Variants in CNTNAP2 observed in about 807,000 individuals in gnomAD.
CNTNAP2 encodes contactin-associated protein-like 2.
In CNTNAP2, 98 loss-of-function variants were observed where a neutral mutation model predicts 155.2. That is an observed-to-expected ratio of 0.63 (90% confidence interval 0.54 to 0.75). The LOEUF is 0.75. Among genes scored for constraint, CNTNAP2 ranks in the 30% least tolerant of loss-of-function variants. CNTNAP2 has a pLI of 0.00. For synonymous variants in CNTNAP2, 651 were observed against 631.2 expected, an observed-to-expected ratio of 1.03 and a Z score of -0.47; for missense variants, 1,727 against 1,688.1, an observed-to-expected ratio of 1.02 and a Z score of -0.40.
rs193017789 is a variant in CNTNAP2, at chr7:147,734,658, G to C, written c.2098+95352G>C. On this transcript the variant is annotated intron_variant, in intron 13 of 23. Transcript: ENST00000361727. ...ATCTGTCTGGTCCTGCACATTTTTT[G>C]GTTGGTAAGCTATTAATTATTGCCT... Among the ~76,000 whole-genome samples the C allele has an allele frequency of 1.1e-3, 172 of 152,202 alleles. 1 individual carries two copies. Among genetic ancestry groups the C allele is most frequent in the African/African-American group, 3.9e-3 (161 of 41,546 alleles).
In CNTNAP2 at chr7:147,214,012, T is replaced by C. The variant is rs185407604; in HGVS notation, c.1348+81503T>C. 3.0e-3 allele frequency among the ~76,000 whole-genome samples: 461 copies of C among 152,202 alleles called. 1 individual carries two copies. The highest frequency in any genetic ancestry group is 0.01 in the African/African-American group (428 of 41,526). The stretch of plus-strand genomic sequence containing the variant: ...CACACTGAGGGCAGATCTTCCCCAC[T>C]TAGTCCACCAACTCACCTGCCAATC... On this transcript the variant is annotated intron_variant, in intron 8 of 23. Coordinates refer to ENST00000361727, the MANE Select transcript of CNTNAP2 (RefSeq NM_014141.6).
At chr7:147,752,760 G>A (rs1797156215) in intron 13 of CNTNAP2, among the ~76,000 whole-genome samples, 3 of 152,094 alleles carry the variant, frequency 2.0e-5, no homozygotes, top group Admixed American at 1.3e-4. Flanking sequence ...CATTTCCTGG[G>A]ATCAAATTAT....
At chr7:147,848,228 G>A (rs1462434159) in intron 13 of CNTNAP2, among the ~76,000 whole-genome samples, 2 of 145,676 alleles carry the variant, frequency 1.4e-5, no homozygotes, top group African/African-American at 5.0e-5. Context: ...ATCTCAGACT[G>A]CTGTGCTAGC....
intron 1 of CNTNAP2, among the ~76,000 whole-genome samples, chr7:146,138,725 A>G (rs368875489): frequency 6.6e-6 from 1 of 151,924 alleles, no homozygotes; most frequent in East Asian, 1.9e-4. Flanking sequence ...TATCATGGGG[A>G]AATCTGTTGC....
At chr7:147,526,603 C>T (rs911863636) in intron 11 of CNTNAP2, among the ~76,000 whole-genome samples, 2 of 152,188 alleles carry the variant, frequency 1.3e-5, no homozygotes, top group East Asian at 1.9e-4. Context: ...GGCTAATGTT[C>T]ATTTTTTGCC....
rs756864053 is a variant in CNTNAP2 at position 147,607,423 on chromosome 7, TC to T, written c.1898-31682del. Among the ~76,000 whole-genome samples the T allele has an allele frequency of 5.3e-3, 814 of 152,232 alleles. 6 individuals are homozygous for T. Among genetic ancestry groups the T allele is most frequent in the South Asian group, 0.022 (106 of 4,822 alleles). ...GTCTCTCTTCCTTTCTCTCTCTCTC[TC>T]TCTCTCTTCTTTCTAATGTAAATAA... On this transcript the variant is annotated intron_variant, in intron 12 of 23. Transcript: ENST00000361727.
chr7:146,720,967 A>G (rs182449287), intron 1 of CNTNAP2, among the ~76,000 whole-genome samples: 1 of 106,456 alleles, frequency 9.4e-6, no homozygotes, highest in African/African-American at 6.3e-5. Context: ...TATATACAGT[A>G]TATATATAGA....
In CNTNAP2 at chr7:147,251,440, AGG is replaced by A. The variant is rs1161910762; in HGVS notation, c.1349-48700_1349-48699del. Among the ~76,000 whole-genome samples, 40 of 152,072 alleles carry A rather than the reference AGG, an allele frequency of 2.6e-4. No individual in the cohort carries two copies. The East Asian group carries it at 4.3e-3, about 16-fold the overall frequency. ...GAATGTTTAGTCAAAACAGATAGGT[AGG>A]TAGGTAGGTAGGTAGGTAGGTTATG... On this transcript the variant is annotated intron_variant, in intron 8 of 23. Transcript: ENST00000361727.
At chr7:147,959,880 G>A (rs1801086131) in intron 14 of CNTNAP2, among the ~76,000 whole-genome samples, 1 of 152,116 alleles carries the variant, frequency 6.6e-6, no homozygotes, top group Non-Finnish European at 1.5e-5. Context: ...TTCAAGTGAA[G>A]AAAGTCACTT....
At chr7:147,903,989 T>G (rs1301914312) in intron 14 of CNTNAP2, among the ~76,000 whole-genome samples, 1 of 152,192 alleles carries the variant, frequency 6.6e-6, no homozygotes, top group African/African-American at 2.4e-5. Flanking sequence ...TGAGCCATGT[T>G]GTAGACAGTG....
chr7:146,509,265 C>A (rs967529338), intron 1 of CNTNAP2, among the ~76,000 whole-genome samples: 1 of 152,204 alleles, frequency 6.6e-6, no homozygotes, highest in Non-Finnish European at 1.5e-5. Flanking sequence ...ATCAGCCATT[C>A]AATTATGGTG....
intron 12 of CNTNAP2, among the ~76,000 whole-genome samples, chr7:147,603,002 G>C (rs571951655): frequency 2.0e-5 from 3 of 152,132 alleles, no homozygotes; most frequent in Admixed American, 2.0e-4. Context: ...TATATACCCA[G>C]TAATGGGATG....
chr7:146,249,446 C>T (rs999599214), intron 1 of CNTNAP2, among the ~76,000 whole-genome samples: 1 of 145,084 alleles, frequency 6.9e-6, no homozygotes, highest in Non-Finnish European at 1.5e-5. Context: ...GAACACGTGA[C>T]TGTCACTTGT....
At chr7:146,823,918 C>T (rs1803347750) in intron 2 of CNTNAP2, among the ~76,000 whole-genome samples, 1 of 151,902 alleles carries the variant, frequency 6.6e-6, no homozygotes, top group South Asian at 2.1e-4. Context: ...ATGTGCAGAA[C>T]ATGCAGGTTT....
chr7:147,259,468 AAAAT>A (rs1297128756), intron 8 of CNTNAP2, among the ~76,000 whole-genome samples: 2 of 152,208 alleles, frequency 1.3e-5, no homozygotes, highest in Non-Finnish European at 2.9e-5. Context: ...AAAAGGGAGA[AAAAT>A]AAGATCTGAG....
chr7:147,063,890 A>G (rs546724539), intron 4 of CNTNAP2, among the ~76,000 whole-genome samples: 60 of 152,292 alleles, frequency 3.9e-4, no homozygotes, highest in African/African-American at 1.3e-3. Flanking sequence ...CACAGTTTCA[A>G]TTTCTCACAA....
chr7:148,044,247 T>C (rs1000202195), intron 15 of CNTNAP2, among the ~76,000 whole-genome samples: 31 of 150,748 alleles, frequency 2.1e-4, no homozygotes, highest in Admixed American at 2.0e-3. Context: ...GGGGTCTCCG[T>C]GTTCTAGCTC....
In CNTNAP2 at chr7:148,066,546, G is replaced by A. The variant is rs529373078; in HGVS notation, c.2384-51572G>A. Among the ~76,000 whole-genome samples, 8 of 151,510 alleles carry A rather than the reference G, an allele frequency of 5.3e-5. No homozygotes were observed. The East Asian group carries it at 7.8e-4, about 15-fold the overall frequency. On this transcript the variant is annotated intron_variant, in intron 15 of 23. Coordinates refer to ENST00000361727, the MANE Select transcript of CNTNAP2 (RefSeq NM_014141.6). Reference sequence around the variant, plus strand: ...GGAGTCTCACTCTTTCGCCCAGGCCGGAGTGCAGTGGTGCTATCTCGGCTC... The same window carrying A: ...GGAGTCTCACTCTTTCGCCCAGGCCAGAGTGCAGTGGTGCTATCTCGGCTC...
At chr7:146,649,101 G>A (rs1200197011) in intron 1 of CNTNAP2, among the ~76,000 whole-genome samples, 1 of 152,060 alleles carries the variant, frequency 6.6e-6, no homozygotes, top group Non-Finnish European at 1.5e-5. Context: ...TCTTTACATT[G>A]CCAAATGAAA....
Sources: allele counts gnomAD v4.1 joint callset (sites outside exome capture counted in the v4.1 genomes callset), GRCh38; gene constraint gnomAD v4.1.1; transcripts MANE v1.5; gene names NCBI Gene and HGNC (gene_info 2026-07-23, HGNC 2026-07-21).